UBN1: variants seen among roughly 807,000 people sequenced by gnomAD.
The protein encoded by UBN1 is ubinuclein 1.
UBN1 carries 17 observed loss-of-function variants against 108.5 expected under a neutral mutation model. The observed-to-expected ratio is 0.16, with a 90% CI of 0.11 to 0.24. The LOEUF (loss-of-function observed/expected upper bound fraction) is 0.24, where lower values mean the gene tolerates loss of function less well. Ranked by LOEUF, UBN1 falls within the 10% of genes least tolerant of loss-of-function variation. The probability of loss-of-function intolerance (pLI) is 1.00; values close to 1 mark genes in which losing one functional copy is unlikely to be tolerated. For missense variants in UBN1, 1,595 were observed against 1,394.4 expected (o/e 1.14, Z -2.29); for synonymous variants, 726 against 564.2 (o/e 1.29, Z -4.07).
rs2087963131 is a variant in UBN1 at position 4,877,929 on chromosome 16, T to G, written c.3355+455T>G. ...AACAGAAGGCTCTCTAAACTTTGTTTCCATTAAAGGGAAAATCCAGGTAGC... is the reference window on the plus strand; with the variant it reads ...AACAGAAGGCTCTCTAAACTTTGTTGCCATTAAAGGGAAAATCCAGGTAGC... On this transcript the variant is annotated intron_variant, in intron 17 of 17. Transcript: ENST00000262376. The surrounding 1 kb of genome is among the most constrained non-coding windows in gnomAD (Gnocchi z 4.3). 1.2e-6 allele frequency: 1 copy of G among 801,906 alleles called. No homozygotes were observed. The highest frequency in any genetic ancestry group is 6.2e-5 in the Admixed American group (1 of 16,060). 49.7% of individuals were successfully genotyped at this position (801,906 alleles called of 1,614,324 possible).
At position 4,858,485 on chromosome 16, in the gene UBN1, G is replaced by A. The variant is rs1424648530; in HGVS notation, c.337-83G>A. On this transcript the variant is annotated intron_variant, in intron 3 of 17. Transcript: ENST00000262376. The stretch of plus-strand genomic sequence containing the variant: ...TTTAGTTAGTGCATTACCTCTTTGA[G>A]TCATAGCTGATGAAGTTCAAGGCCA... 3.2e-6 allele frequency: 4 copies of A among 1,265,324 alleles called. No homozygotes were observed. The East Asian group carries it at 7.2e-5, about 23-fold the overall frequency. 78.4% of individuals were successfully genotyped at this position (1,265,324 alleles called of 1,614,324 possible). A position where few individuals can be genotyped will look rare whatever the true frequency, so the allele number is the denominator to read the frequency against.
chr16:4,854,428 C>T (rs1054803648), intron 2 of UBN1, among the ~76,000 whole-genome samples: 4 of 151,638 alleles, frequency 2.6e-5, no homozygotes, highest in Non-Finnish European at 5.9e-5. Flanking sequence ...ACTGCAACTT[C>T]CGCCTCCCAG....
Position 4,872,945 on chromosome 16 carries a change from T to C in UBN1, c.1757+11T>C. The C allele has an allele frequency of 6.2e-7, 1 of 1,614,232 alleles. No homozygotes were observed. Among genetic ancestry groups the C allele is most frequent in the African/African-American group, 1.3e-5 (1 of 75,064 alleles). On this transcript the variant is annotated intron_variant, in intron 13 of 17. Coordinates refer to ENST00000262376, the MANE Select transcript of UBN1 (RefSeq NM_001079514.3). ...CCTGACTTCAATCCTGTGAGTGTCT[T>C]GGTATTTTCACATCTCGGGACAAGT...
chr16:4,870,664 ACCCTCCCGTCTTGCCTCTTC>A, intron 10 of UBN1, 30 bp downstream of exon 10: 1 of 1,610,410 alleles, frequency 6.2e-7, no homozygotes. Context: ...TGCAGGTGCA[ACCCTCCCGTCTTGCCTCTTC>A]CCCTCCCGTT....
At chr16:4,858,260 A>G (rs1005923477) in intron 3 of UBN1, among the ~76,000 whole-genome samples, 184 bp downstream of exon 3, 1 of 152,242 alleles carries the variant, frequency 6.6e-6, no homozygotes, top group African/African-American at 2.4e-5. Context: ...TGGCAGAGCT[A>G]GTGTGAAGAG....
intron 15 of UBN1, among the ~76,000 whole-genome samples, chr16:4,876,001 A>T (rs7187864): frequency 0.95 from 142,290 of 150,008 alleles, 67,954 homozygotes; most frequent in East Asian, 1. Flanking sequence ...CTCTTTCACC[A>T]AGGCTGGAGT....
At chr16:4,870,471 G>C in intron 9 of UBN1, 45 bp from the exon 10 acceptor site, 2 of 1,613,448 alleles carry the variant, frequency 1.2e-6, no homozygotes, top group Non-Finnish European at 1.7e-6. Flanking sequence ...CTGAGCGTAA[G>C]AGCGATGTGT....
chr16:4,855,364 C>T (rs142616830), intron 2 of UBN1, among the ~76,000 whole-genome samples: 179 of 152,182 alleles, frequency 1.2e-3, no homozygotes, highest in African/African-American at 3.9e-3. Context: ...CCTGTAATCC[C>T]AGCACTTTGG....
At chr16:4,853,716 C>T (rs988582092) in intron 2 of UBN1, among the ~76,000 whole-genome samples, 3 of 152,068 alleles carry the variant, frequency 2.0e-5, no homozygotes, top group Non-Finnish European at 2.9e-5. Context: ...TGCACGCCAC[C>T]ACACCCAGCT....
chr16:4,855,638 G>T (rs535406607), intron 2 of UBN1, among the ~76,000 whole-genome samples: 2 of 149,430 alleles, frequency 1.3e-5, no homozygotes, highest in South Asian at 2.1e-4. Context: ...AGGCTGGAAG[G>T]CCTGGCGCAG....
At position 4,857,986 on chromosome 16, in the gene UBN1, A is replaced by G. The variant is rs201749994; in HGVS notation, c.250-4A>G. Reference sequence around the variant, plus strand: ...TTATTTTTTGTGGAACGATCTCTTTACAGAAGAAAGATCTGTCAGATCCTT... The same window carrying G: ...TTATTTTTTGTGGAACGATCTCTTTGCAGAAGAAAGATCTGTCAGATCCTT... On this transcript the variant is annotated splice_region_variant and splice_polypyrimidine_tract_variant and intron_variant, in intron 2 of 17. Transcript: ENST00000262376. 1.9e-6 allele frequency: 3 copies of G among 1,607,342 alleles called. No homozygotes were observed. Among genetic ancestry groups the G allele is most frequent in the Non-Finnish European group, 2.6e-6 (3 of 1,176,276 alleles).
chr16:4,847,586 G>C lies in UBN1; in HGVS notation c.-664G>C, dbSNP rs1186078145. 1 of 366,414 alleles carries C rather than the reference G, an allele frequency of 2.7e-6. No individual in the cohort carries two copies. Among genetic ancestry groups the C allele is most frequent in the Non-Finnish European group, 4.9e-6 (1 of 202,714 alleles). 22.7% of individuals were successfully genotyped at this position (366,414 alleles called of 1,614,324 possible). A position where few individuals can be genotyped will look rare whatever the true frequency, so the allele number is the denominator to read the frequency against. ...CTGAGCGCGAGAGGGAGCCGGCCTC[G>C]CGGCTCGCCCCGCCCCCGGGTCTTG... On this transcript the variant is annotated 5_prime_UTR_variant, in exon 1 of 18. Coordinates refer to ENST00000262376, the MANE Select transcript of UBN1 (RefSeq NM_001079514.3).
rs1555511040 is a variant in UBN1 at position 4,854,340 on chromosome 16, T to TTG, written c.249+1175_249+1176insGT. 2.9e-3 allele frequency among the ~76,000 whole-genome samples: 427 copies of TTG among 148,540 alleles called. 1 individual carries two copies. The highest frequency in any genetic ancestry group is 0.01 in the African/African-American group (411 of 39,982). Reference sequence around the variant, plus strand: ...GAGCCACAGCACCTGGCCTCTCTTTTTTGTTGTTGTTGTTGTTTTTTGAGA... The same window carrying TTG: ...GAGCCACAGCACCTGGCCTCTCTTTTTGTTGTTGTTGTTGTTGTTTTTTGAGA... On this transcript the variant is annotated intron_variant, in intron 2 of 17. Transcript: ENST00000262376.
Position 4,870,988 on chromosome 16 carries a change from G to C in UBN1, c.1559+16G>C, listed in dbSNP as rs2087603307. The C allele has an allele frequency of 6.2e-7, 1 of 1,613,778 alleles. No homozygotes were observed. Among genetic ancestry groups the C allele is most frequent in the Non-Finnish European group, 8.5e-7 (1 of 1,179,812 alleles). ...ATGAGATCAGGTGTGCCCACACTGG[G>C]ACTTGGCCTCTTTGGAGGGTTGGTG... On this transcript the variant is annotated intron_variant, in intron 11 of 17. Coordinates refer to ENST00000262376, the MANE Select transcript of UBN1 (RefSeq NM_001079514.3).
Position 4,877,182 on chromosome 16 carries a change from T to A in UBN1, c.3265+71T>A. On this transcript the variant is annotated intron_variant, in intron 16 of 17. Transcript: ENST00000262376. This position sits in a 1 kb window ranked among gnomAD's most constrained non-coding sequence, Gnocchi z 4.3. ...TGTGGCCAGGGGTCCTGCTGTTGTG[T>A]ACTCTGGTTCCTGTGTTTGAGTCTG... 1.3e-6 allele frequency: 2 copies of A among 1,534,932 alleles called. No individual in the cohort carries two copies. The highest frequency in any genetic ancestry group is 1.7e-6 in the Non-Finnish European group (2 of 1,145,408).
intron 4 of UBN1, 81 bp from the exon 5 acceptor site, chr16:4,858,944 C>G: frequency 1.3e-6 from 2 of 1,536,450 alleles, no homozygotes; most frequent in South Asian, 2.5e-5. Flanking sequence ...GGAGCACAGT[C>G]ACATCTCTCT....
At chr16:4,858,422 A>T in intron 3 of UBN1, 146 bp from the exon 4 acceptor site, 1 of 682,124 alleles carries the variant, frequency 1.5e-6, no homozygotes, top group East Asian at 2.7e-5. Flanking sequence ...TCAGGAAAGG[A>T]GGTTTTGGGG....
In UBN1 at chr16:4,851,727, G is replaced by A. The variant is rs144230803; in HGVS notation, c.-39-1152G>A. ...CTCAGCTCCTCGAGAGGTTGAAGTG[G>A]TGAGAGGTTTGCTTGAGCCTGGGAG... On this transcript the variant is annotated intron_variant, in intron 1 of 17. Coordinates refer to ENST00000262376, the MANE Select transcript of UBN1 (RefSeq NM_001079514.3). Among the ~76,000 whole-genome samples the A allele has an allele frequency of 2.6e-5, 4 of 152,198 alleles. No homozygotes were observed. The East Asian group carries it at 7.7e-4, about 29-fold the overall frequency.
chr16:4,872,046 G>A (rs983954873), intron 12 of UBN1: 10 of 329,780 alleles, frequency 3.0e-5, no homozygotes, highest in East Asian at 1.7e-4. Context: ...TACCTTGTAC[G>A]AAGTCACTTC....
Sources: gnomAD v4.1 joint callset for allele counts (sites outside exome capture counted in the v4.1 genomes callset) on GRCh38, gnomAD v4.1.1 for gene constraint, Gnocchi (gnomAD v3.1) non-coding constraint, MANE v1.5 for transcripts, NCBI Gene and HGNC (gene_info 2026-07-23, HGNC 2026-07-21) for gene names.